The following MCTP1 variants were observed in gnomAD, a reference collection of about 807,000 sequenced individuals.
MCTP1 encodes the protein multiple C2 and transmembrane domain containing 1.
A neutral mutation model predicts 120.6 loss-of-function variants in MCTP1; 69 were observed. The ratio of observed to expected loss-of-function variants is 0.57; its 90% confidence interval spans 0.47 to 0.70. The LOEUF is 0.70. Ranked by LOEUF, MCTP1 falls within the 30% of genes least tolerant of loss-of-function variation. The probability of loss-of-function intolerance (pLI) is 0.00; values close to 1 mark genes in which losing one functional copy is unlikely to be tolerated. For missense variants in MCTP1, 1,203 were observed against 1,248.8 expected (o/e 0.96, Z 0.55); for synonymous variants, 529 against 493.1 (o/e 1.07, Z -0.96).
Position 95,190,913 on chromosome 5 carries a change from A to G in MCTP1, c.720+92943T>C, listed in dbSNP as rs568239474. ...AATCTTAAATCTGCCAAATTCCATT[A>G]GAGTTGAAAATTAACCTATATATTT... On this transcript the variant is annotated intron_variant, in intron 1 of 22. Transcript: ENST00000515393. 2.0e-5 allele frequency among the ~76,000 whole-genome samples: 3 copies of G among 152,160 alleles called. No individual in the cohort carries two copies. The South Asian group carries it at 6.2e-4, about 32-fold the overall frequency.
chr5:95,123,531 T>C (rs1187148641), intron 1 of MCTP1, among the ~76,000 whole-genome samples: 2 of 152,234 alleles, frequency 1.3e-5, no homozygotes, highest in South Asian at 2.1e-4. Flanking sequence ...TGTGAAATGT[T>C]TGTCACCCCC....
At chr5:94,766,070 C>T (rs1474503141) in intron 19 of MCTP1, among the ~76,000 whole-genome samples, 1 of 152,096 alleles carries the variant, frequency 6.6e-6, no homozygotes, top group Non-Finnish European at 1.5e-5. Context: ...CATGGCGAAA[C>T]CCCGTCTGTA....
At chr5:95,090,045 T>C (rs566831117) in intron 1 of MCTP1, among the ~76,000 whole-genome samples, 27 of 152,354 alleles carry the variant, frequency 1.8e-4, no homozygotes, top group Admixed American at 7.8e-4. Context: ...TCTTTCTTGC[T>C]GCTCCTTTCA....
chr5:94,947,833 C>T (rs1176056563), intron 3 of MCTP1, among the ~76,000 whole-genome samples: 1 of 148,786 alleles, frequency 6.7e-6, no homozygotes, highest in Non-Finnish European at 1.5e-5. Context: ...GTTGCTTGGG[C>T]TGGTCTTGAA....
chr5:95,258,598 T>C (rs1015134354), intron 1 of MCTP1, among the ~76,000 whole-genome samples: 2 of 152,206 alleles, frequency 1.3e-5, no homozygotes, highest in African/African-American at 4.8e-5. Flanking sequence ...GGTTCGTTAA[T>C]TGTAACAAAT....
At chr5:95,067,581 T>C (rs1265753055) in intron 1 of MCTP1, among the ~76,000 whole-genome samples, 1 of 152,042 alleles carries the variant, frequency 6.6e-6, no homozygotes, top group Non-Finnish European at 1.5e-5. Context: ...CTAAGATACA[T>C]TTACTATTAA....
intron 2 of MCTP1, among the ~76,000 whole-genome samples, chr5:94,971,366 T>TA (rs779624959): frequency 9.9e-5 from 15 of 150,994 alleles, no homozygotes; most frequent in East Asian, 3.9e-4. Flanking sequence ...GAATGCAATT[T>TA]AAAAAAAAAT....
chr5:94,758,042 A>C (rs942575427), intron 19 of MCTP1, among the ~76,000 whole-genome samples: 4 of 152,208 alleles, frequency 2.6e-5, no homozygotes, highest in Non-Finnish European at 5.9e-5. Context: ...AAAGAAAAAA[A>C]TGAGATCCAA....
intron 1 of MCTP1, among the ~76,000 whole-genome samples, chr5:95,123,208 G>A (rs1758367495): frequency 1.3e-5 from 2 of 152,076 alleles, no homozygotes; most frequent in African/African-American, 2.4e-5. Context: ...TTACATGCCT[G>A]TATCAAAACA....
At chr5:94,801,942 C>T (rs934094816) in intron 17 of MCTP1, among the ~76,000 whole-genome samples, 16 of 152,222 alleles carry the variant, frequency 1.1e-4, no homozygotes, top group Admixed American at 1.3e-4. Flanking sequence ...CAAATCAATA[C>T]ATCAATAACT....
intron 19 of MCTP1, among the ~76,000 whole-genome samples, chr5:94,773,215 G>C (rs142182538): frequency 4.6e-5 from 7 of 152,216 alleles, no homozygotes; most frequent in Admixed American, 2.0e-4. Context: ...CCCCAGATCA[G>C]AATAGATAAT....
intron 1 of MCTP1, among the ~76,000 whole-genome samples, chr5:95,203,680 C>T (rs145473836): frequency 4.6e-5 from 7 of 152,142 alleles, no homozygotes; most frequent in African/African-American, 1.7e-4. Flanking sequence ...TGAAAGAAAG[C>T]CAGTAAAACA....
intron 19 of MCTP1, among the ~76,000 whole-genome samples, chr5:94,720,315 C>A (rs1760595747): frequency 6.6e-6 from 1 of 151,516 alleles, no homozygotes; most frequent in South Asian, 2.1e-4. Flanking sequence ...AAATTTAAAA[C>A]ATGTCAAAAG....
intron 19 of MCTP1, among the ~76,000 whole-genome samples, chr5:94,717,294 G>A (rs765888255): frequency 1.3e-5 from 2 of 151,990 alleles, no homozygotes; most frequent in South Asian, 2.1e-4. Flanking sequence ...TTCAATAGAC[G>A]CGAAAAAGGC....
At chr5:94,826,811 T>A (rs1787213017) in intron 17 of MCTP1, 1 of 299,262 alleles carries the variant, frequency 3.3e-6, no homozygotes, top group African/African-American at 2.4e-5. Flanking sequence ...TTTTTTGCTT[T>A]TCATTTGCTT....
rs140428827 is a variant in MCTP1, at chr5:95,175,160, A to G, written c.720+108696T>C. ...AAATCAATTTTTTGAGTTAAAAATT[A>G]TAAGTGAAAATGATGCTCTGAGATT... On this transcript the variant is annotated intron_variant, in intron 1 of 22. Transcript: ENST00000515393. 7.4e-4 allele frequency among the ~76,000 whole-genome samples: 113 copies of G among 152,372 alleles called. 2 individuals carry two copies. Among genetic ancestry groups the G allele is most frequent in the Non-Finnish European group, 1.1e-3 (77 of 68,032 alleles).
chr5:94,965,862 C>T (rs528517813), intron 2 of MCTP1, among the ~76,000 whole-genome samples: 4 of 152,268 alleles, frequency 2.6e-5, no homozygotes, highest in East Asian at 1.9e-4. Flanking sequence ...TCTTCTGCCA[C>T]GTGAGGACAC....
intron 17 of MCTP1, among the ~76,000 whole-genome samples, chr5:94,813,306 AG>A (rs529505786): frequency 3.7e-4 from 56 of 152,336 alleles, no homozygotes; most frequent in Non-Finnish European, 7.2e-4. Context: ...TAATCAGGAC[AG>A]AAAGCACTAA....
intron 1 of MCTP1, chr5:95,081,716 A>C: frequency 2.4e-6 from 3 of 1,260,626 alleles, no homozygotes; most frequent in Non-Finnish European, 2.0e-6. Flanking sequence ...CAACTCTCAA[A>C]CCAGTAAGGG....
Sources: gnomAD v4.1 joint callset for allele counts (sites outside exome capture counted in the v4.1 genomes callset) on GRCh38, gnomAD v4.1.1 for gene constraint, MANE v1.5 for transcripts, NCBI Gene and HGNC (gene_info 2026-07-23, HGNC 2026-07-21) for gene names.